The following CIT variants were observed in gnomAD, a reference collection of about 807,000 sequenced individuals.
The protein encoded by CIT is citron rho-interacting serine/threonine kinase, also known as citron Rho-interacting kinase.
In CIT, 79 loss-of-function variants were observed where a neutral mutation model predicts 272.7. The ratio of observed to expected loss-of-function variants is 0.29; its 90% confidence interval spans 0.24 to 0.35. The LOEUF is 0.35. CIT is among the 10% of genes least tolerant of loss of function. The pLI is 1.00. For missense variants in CIT, 1,909 were observed against 2,618.3 expected (o/e 0.73, Z 5.91); for synonymous variants, 948 against 995.6 (o/e 0.95, Z 0.90).
intron 10 of CIT, among the ~76,000 whole-genome samples, chr12:119,792,389 C>A (rs1467315326): frequency 6.6e-6 from 1 of 152,086 alleles, no homozygotes; most frequent in Non-Finnish European, 1.5e-5. Flanking sequence ...TAATATGCTG[C>A]AAAAAATAAA....
At chr12:119,736,643 A>T (rs1958776220) in intron 24 of CIT, among the ~76,000 whole-genome samples, 2 of 152,238 alleles carry the variant, frequency 1.3e-5, no homozygotes, top group Non-Finnish European at 2.9e-5. Context: ...GCTCAGATAC[A>T]TTCTTTATCA....
intron 19 of CIT, among the ~76,000 whole-genome samples, chr12:119,765,915 T>G (rs1962404135): frequency 6.6e-6 from 1 of 152,158 alleles, no homozygotes; most frequent in Non-Finnish European, 1.5e-5. Context: ...AGGAAATCAG[T>G]ATATCAAAGA....
Position 119,779,102 on chromosome 12 carries a change from C to T in CIT, c.1666-2260G>A, listed in dbSNP as rs145074763. ...AGACATGGTGGTGAGCACCTGTAAT[C>T]CCAGCTACTTGGAAGGCTGAGACAG... On this transcript the variant is annotated intron_variant, in intron 13 of 47. Coordinates refer to ENST00000392521, the MANE Select transcript of CIT (RefSeq NM_001206999.2). Among the ~76,000 whole-genome samples, 731 of 152,174 alleles carry T rather than the reference C, an allele frequency of 4.8e-3. 4 individuals are homozygous for T. Among genetic ancestry groups the T allele is most frequent in the African/African-American group, 0.016 (666 of 41,504 alleles).
chr12:119,825,271 C>T lies in CIT; in HGVS notation c.851G>A (p.Cys284Tyr). Reference sequence around the variant, plus strand: ...AATCACGCCCACTGACCACCAGTCACAGTCCAGGCCGTAGGTGCCTTTTCC... The same window carrying T: ...AATCACGCCCACTGACCACCAGTCATAGTCCAGGCCGTAGGTGCCTTTTCC... Reference protein sequence around the residue: ...GDGKGTYGLDCDWWSVGVIAY... With the variant: ...GDGKGTYGLDYDWWSVGVIAY... The change falls in exon 8 of 48, where the codon TGT becomes TAT. Residue 284 changes from cysteine to tyrosine, a missense_variant. Coordinates refer to ENST00000392521, the MANE Select transcript of CIT (RefSeq NM_001206999.2). 6.2e-7 allele frequency: 1 copy of T among 1,614,194 alleles called. No individual in the cohort carries two copies. Among genetic ancestry groups the T allele is most frequent in the Non-Finnish European group, 8.5e-7 (1 of 1,180,032 alleles).
At chr12:119,850,606 AGCTCCGTATATTACCT>A (rs770865746) in intron 4 of CIT, among the ~76,000 whole-genome samples, 21 of 152,324 alleles carry the variant, frequency 1.4e-4, no homozygotes, top group Non-Finnish European at 2.6e-4. Context: ...AATTTTTGCC[AGCTCCGTATATTACCT>A]GCTCAATTCT....
At position 119,712,409 on chromosome 12, in the gene CIT, C is replaced by T. The variant is rs953761387; in HGVS notation, c.4685-62G>A. 7.2e-6 allele frequency: 11 copies of T among 1,528,632 alleles called. No homozygotes were observed. Among genetic ancestry groups the T allele is most frequent in the Non-Finnish European group, 9.8e-6 (11 of 1,124,708 alleles). 94.7% of individuals were successfully genotyped at this position (1,528,632 alleles called of 1,614,324 possible). A position where few individuals can be genotyped will look rare whatever the true frequency, so the allele number is the denominator to read the frequency against. On this transcript the variant is annotated intron_variant, in intron 36 of 47. Coordinates refer to ENST00000392521, the MANE Select transcript of CIT (RefSeq NM_001206999.2). The surrounding 1 kb of genome is among the most constrained non-coding windows in gnomAD (Gnocchi z 5.2). ...TTTCCCCCGTTCCCACTGGGAGGGA[C>T]GGGCCTGAGAGATCAAAGATGCCCA... is the stretch of plus-strand genomic sequence containing the variant.
intron 19 of CIT, among the ~76,000 whole-genome samples, chr12:119,761,395 A>G (rs1476018256): frequency 6.6e-6 from 1 of 152,202 alleles, no homozygotes. Context: ...CTAGATCCAG[A>G]CCTAGAGAAT....
chr12:119,759,708 G>A (rs186641368), intron 20 of CIT, among the ~76,000 whole-genome samples: 18 of 152,084 alleles, frequency 1.2e-4, no homozygotes, highest in Non-Finnish European at 2.2e-4. Flanking sequence ...GAGGTGGTAC[G>A]GTTTTATCTC....
chr12:119,830,565 T>G (rs1484089703), intron 7 of CIT, among the ~76,000 whole-genome samples: 1 of 151,956 alleles, frequency 6.6e-6, no homozygotes, highest in Non-Finnish European at 1.5e-5. Context: ...TTTCTGATGC[T>G]TCTCAACCTA....
intron 5 of CIT, among the ~76,000 whole-genome samples, chr12:119,836,454 C>A (rs1969025854): frequency 6.6e-6 from 1 of 152,074 alleles, no homozygotes; most frequent in Non-Finnish European, 1.5e-5. Context: ...GTAGCTCACC[C>A]ACTCATCCCA....
At chr12:119,822,786 A>C in intron 9 of CIT, 34 bp downstream of exon 9, 3 of 1,610,882 alleles carry the variant, frequency 1.9e-6, no homozygotes, top group Non-Finnish European at 2.5e-6. Context: ...TCATAATCCC[A>C]ACATCCCAAA....
intron 3 of CIT, among the ~76,000 whole-genome samples, chr12:119,862,214 C>G (rs1039485626): frequency 1.1e-4 from 17 of 152,122 alleles, no homozygotes; most frequent in African/African-American, 4.1e-4. Flanking sequence ...AGGCTGGTCT[C>G]AAACTCCTGA....
At chr12:119,717,838 C>CCTTTTTTTTT (rs1957598855) in intron 32 of CIT, among the ~76,000 whole-genome samples, 1 of 81,330 alleles carries the variant, frequency 1.2e-5, no homozygotes, top group Non-Finnish European at 2.3e-5. Flanking sequence ...TGACTTCTTT[C>CCTTTTTTTTT]TTTTTTTTTT....
chr12:119,846,987 CT>C (rs35994050), intron 5 of CIT, among the ~76,000 whole-genome samples: 62,700 of 147,454 alleles, frequency 0.43, 14,096 homozygotes, highest in Middle Eastern at 0.53. Context: ...AAGGGAACGT[CT>C]TTTTTTTTTT....
Position 119,694,111 on chromosome 12 carries a change from A to C in CIT, c.5882+3548T>G, listed in dbSNP as rs1209621033. Among the ~76,000 whole-genome samples, 1 of 152,212 alleles carries C rather than the reference A, an allele frequency of 6.6e-6. No individual in the cohort carries two copies. On this transcript the variant is annotated intron_variant, in intron 46 of 47. Transcript: ENST00000392521. The surrounding 1 kb of genome is among the most constrained non-coding windows in gnomAD (Gnocchi z 4.5). ...GGATCTAGCTCCTAGCACTGTGTCA[A>C]GACGAGGCCAGTCCCACTTCCACAC...
chr12:119,859,425 G>C lies in CIT; in HGVS notation c.239-1727C>G, dbSNP rs375084300. On this transcript the variant is annotated intron_variant, in intron 3 of 47. Coordinates refer to ENST00000392521, the MANE Select transcript of CIT (RefSeq NM_001206999.2). ...TGGCTCACACAATGAGACAGACTCG[G>C]TCCATCAAAGGGAAAGCCATTTCAT... is the stretch of plus-strand genomic sequence containing the variant. Among the ~76,000 whole-genome samples, 4 of 152,296 alleles carry C rather than the reference G, an allele frequency of 2.6e-5. No homozygotes were observed. In the South Asian group the frequency reaches 8.3e-4, roughly 32 times the overall value.
chr12:119,692,463 A>C (rs1170656045), intron 46 of CIT, among the ~76,000 whole-genome samples: 2 of 152,250 alleles, frequency 1.3e-5, no homozygotes, highest in African/African-American at 4.8e-5. Flanking sequence ...ATAATTGAGA[A>C]GCGACAGCAA....
Position 119,718,569 on chromosome 12 carries a change from G to T in CIT, c.4003+130C>A. 2.1e-6 allele frequency: 3 copies of T among 1,396,452 alleles called. No individual in the cohort carries two copies. The highest frequency in any genetic ancestry group is 3.0e-6 in the Non-Finnish European group (3 of 1,014,978). 86.5% of individuals were successfully genotyped at this position (1,396,452 alleles called of 1,614,324 possible). On this transcript the variant is annotated intron_variant, in intron 31 of 47. Coordinates refer to ENST00000392521, the MANE Select transcript of CIT (RefSeq NM_001206999.2). The surrounding 1 kb of genome is among the most constrained non-coding windows in gnomAD (Gnocchi z 4.8). Reference sequence around the variant, plus strand: ...AGGGGCCATACGTTTTTCAGACATGGGATGTCTGGTCTGAAAGCGTATGGG... The same window carrying T: ...AGGGGCCATACGTTTTTCAGACATGTGATGTCTGGTCTGAAAGCGTATGGG...
rs1323719973 is a variant in CIT at position 119,712,219 on chromosome 12, C to A, written c.4813G>T (p.Ala1605Ser). 9 of 1,611,102 alleles carry A rather than the reference C, an allele frequency of 5.6e-6. No individual in the cohort carries two copies. Among genetic ancestry groups the A allele is most frequent in the East Asian group, 2.2e-5 (1 of 44,816 alleles). ...TTTTCCCTAGAAACTCTCCCACCTG[C>A]GACAACTGATTCTAAGGCGGTGACC... Reference protein sequence around the residue: ...RWVTALESVVAGGRVSREKAE... With the variant: ...RWVTALESVVSGGRVSREKAE... The change falls in exon 37 of 48, where the codon GCA becomes TCA. Residue 1605 changes from alanine (A) to serine (S), a missense_variant. Around this residue, in one of 8 missense-constraint regions of CIT, gnomAD observed 780 missense variants for 1,067.2 expected, o/e 0.73. Coordinates refer to ENST00000392521, the MANE Select transcript of CIT (RefSeq NM_001206999.2). This position sits in a 1 kb window ranked among gnomAD's most constrained non-coding sequence, Gnocchi z 5.2.
Sources: gnomAD v4.1 joint callset for allele counts (sites outside exome capture counted in the v4.1 genomes callset) on GRCh38, gnomAD v4.1.1 for gene constraint, gnomAD v4.1.1 regional missense constraint, Gnocchi (gnomAD v3.1) non-coding constraint, MANE v1.5 for transcripts, NCBI Gene and HGNC (gene_info 2026-07-23, HGNC 2026-07-21) for gene names.